The following ZFYVE28 variants were observed in gnomAD, a reference collection of about 807,000 sequenced individuals.
The protein encoded by ZFYVE28 is zinc finger FYVE-type containing 28.
In ZFYVE28, 40 loss-of-function variants were observed where a neutral mutation model predicts 82.1. The observed-to-expected ratio is 0.49, with a 90% CI of 0.38 to 0.63. The LOEUF is 0.63. ZFYVE28 is among the 30% of genes least tolerant of loss of function. ZFYVE28 has a pLI of 0.00. For synonymous variants in ZFYVE28, 612 were observed against 546.1 expected, an observed-to-expected ratio of 1.12 and a Z score of -1.68; for missense variants, 1,321 against 1,242.1, an observed-to-expected ratio of 1.06 and a Z score of -0.96.
Position 2,269,900 on chromosome 4 carries a change from T to A in ZFYVE28, c.*825A>T, listed in dbSNP as rs1449159434. On this transcript the variant is annotated 3_prime_UTR_variant, in exon 13 of 13. Transcript: ENST00000290974. ...GCTTGGGTCCCAGGCCACTCTGGGG[T>A]CTGAGGAATTGGGCCAGGGTTCCAG... 1 of 151,840 alleles carries A rather than the reference T, an allele frequency of 6.6e-6. No homozygotes were observed. Among genetic ancestry groups the A allele is most frequent in the Non-Finnish European group, 1.5e-5 (1 of 67,976 alleles). The allele number at this position is 151,840 out of a possible 1,614,324, so 9.4% of individuals were successfully genotyped here.
At chr4:2,403,170 G>A (rs1452559915) in intron 1 of ZFYVE28, among the ~76,000 whole-genome samples, 2 of 152,342 alleles carry the variant, frequency 1.3e-5, no homozygotes, top group Non-Finnish European at 2.9e-5. Flanking sequence ...TCAGCTACCA[G>A]GGCTGCCCTG....
intron 2 of ZFYVE28, among the ~76,000 whole-genome samples, 171 bp downstream of exon 2, chr4:2,353,762 A>C (rs1724820274): frequency 6.6e-6 from 1 of 151,624 alleles, no homozygotes; most frequent in Admixed American, 6.6e-5. Flanking sequence ...TACCCACCCC[A>C]CGCATCCTGC....
Position 2,354,004 on chromosome 4 carries a change from G to C in ZFYVE28, c.109C>G (p.Leu37Val), listed in dbSNP as rs1194148292. 1 of 1,587,378 alleles carries C rather than the reference G, an allele frequency of 6.3e-7. No homozygotes were observed. The highest frequency in any genetic ancestry group is 8.6e-7 in the Non-Finnish European group (1 of 1,167,232). Residue 37 changes from leucine to valine, a missense_variant, in exon 2 of 13, where the codon CTG becomes GTG. By Grantham distance (32) the Leu-to-Val change is conservative. Around this residue, in one of 2 missense-constraint regions of ZFYVE28, gnomAD observed 343 missense variants for 408.4 expected, o/e 0.84. Coordinates refer to ENST00000290974, the MANE Select transcript of ZFYVE28 (RefSeq NM_020972.3). ...DEELNQVAAELDSLDGRKDPQ... is the reference protein window; with the variant it reads ...DEELNQVAAEVDSLDGRKDPQ... ...TCCTTCCGCCCATCCAGGCTGTCCAGCTCCGCGGCCACCTGGTTCAGCTCC... is the reference window on the plus strand; with the variant it reads ...TCCTTCCGCCCATCCAGGCTGTCCACCTCCGCGGCCACCTGGTTCAGCTCC...
At chr4:2,279,012 C>G (rs1711551741) in intron 8 of ZFYVE28, among the ~76,000 whole-genome samples, 1 of 151,646 alleles carries the variant, frequency 6.6e-6, no homozygotes. Context: ...TGGAATCCTC[C>G]TCTCTTCCTT....
intron 2 of ZFYVE28, among the ~76,000 whole-genome samples, chr4:2,350,056 C>G (rs1447859952): frequency 6.6e-6 from 1 of 152,012 alleles, no homozygotes; most frequent in African/African-American, 2.4e-5. Flanking sequence ...CACACACACA[C>G]ACACACACAC....
chr4:2,320,410 T>A lies in ZFYVE28; in HGVS notation c.702-139A>T, dbSNP rs1369181344. 14 of 640,646 alleles carry A rather than the reference T, an allele frequency of 2.2e-5. No homozygotes were observed. The Admixed American group carries it at 3.2e-4, about 15-fold the overall frequency. The allele number at this position is 640,646 out of a possible 1,614,324, so 39.7% of individuals were successfully genotyped here. ...CTGTCCCAGCACGGCCGCCGCCTCA[T>A]GCTTTGCCTTGTGTGATTGCATTGT... On this transcript the variant is annotated intron_variant, in intron 6 of 12. Transcript: ENST00000290974. The surrounding 1 kb of genome is among the most constrained non-coding windows in gnomAD (Gnocchi z 5.1).
chr4:2,412,914 C>A (rs866220811), intron 1 of ZFYVE28, among the ~76,000 whole-genome samples: 1 of 152,184 alleles, frequency 6.6e-6, no homozygotes, highest in Middle Eastern at 3.2e-3. Flanking sequence ...TTCCCTCCCC[C>A]GTCTGCCCTG....
At chr4:2,334,739 C>G (rs1433423026) in intron 6 of ZFYVE28, among the ~76,000 whole-genome samples, 1 of 74,662 alleles carries the variant, frequency 1.3e-5, no homozygotes, top group African/African-American at 4.7e-5. Context: ...CCACTGGACC[C>G]TCCCCCTTCC....
chr4:2,318,379 G>A (rs1184676066), intron 7 of ZFYVE28, among the ~76,000 whole-genome samples: 1 of 152,174 alleles, frequency 6.6e-6, no homozygotes, highest in African/African-American at 2.4e-5. Flanking sequence ...CCAGCATGGT[G>A]AAACCCCGTC....
intron 7 of ZFYVE28, among the ~76,000 whole-genome samples, chr4:2,318,364 C>T (rs779008941): frequency 5.9e-5 from 9 of 152,194 alleles, no homozygotes; most frequent in Non-Finnish European, 1.0e-4. Flanking sequence ...TCAAGACCAG[C>T]CTGACCAGCA....
At chr4:2,334,628 C>G (rs961100741) in intron 6 of ZFYVE28, among the ~76,000 whole-genome samples, 30 of 151,764 alleles carry the variant, frequency 2.0e-4, no homozygotes, top group African/African-American at 6.8e-4. Context: ...GCCCACCCCC[C>G]ACTCCCCGAC....
chr4:2,386,641 C>A (rs1340873115), intron 1 of ZFYVE28, among the ~76,000 whole-genome samples: 1 of 152,214 alleles, frequency 6.6e-6, no homozygotes, highest in Non-Finnish European at 1.5e-5. Context: ...ACGTGATGCC[C>A]TGGGACGCCT....
intron 8 of ZFYVE28, among the ~76,000 whole-genome samples, chr4:2,279,042 C>G (rs1384677430): frequency 6.6e-6 from 1 of 151,296 alleles, no homozygotes; most frequent in Non-Finnish European, 1.5e-5. Flanking sequence ...TAAAATGGCA[C>G]AGACACTTTG....
chr4:2,319,283 C>A (rs532254956), intron 7 of ZFYVE28, among the ~76,000 whole-genome samples: 2 of 152,134 alleles, frequency 1.3e-5, no homozygotes, highest in Non-Finnish European at 2.9e-5. Context: ...AGGAAAGCAG[C>A]GACAGCCATC....
chr4:2,322,556 T>C (rs1245444861), intron 6 of ZFYVE28, among the ~76,000 whole-genome samples: 2 of 150,322 alleles, frequency 1.3e-5, no homozygotes, highest in African/African-American at 2.5e-5. Context: ...TGGAGAAAGC[T>C]GGGCCCTGCT....
intron 7 of ZFYVE28, among the ~76,000 whole-genome samples, chr4:2,310,309 G>A (rs28395446): frequency 0.45 from 67,872 of 152,032 alleles, 16,095 homozygotes; most frequent in Middle Eastern, 0.55. Flanking sequence ...AAAGTCCTGG[G>A]ATTACAAGTG....
chr4:2,400,146 CG>C (rs1488641399), intron 1 of ZFYVE28, among the ~76,000 whole-genome samples: 1 of 152,222 alleles, frequency 6.6e-6, no homozygotes, highest in Non-Finnish European at 1.5e-5. Flanking sequence ...CAATCTGCCT[CG>C]GGGAGCCACA....
intron 1 of ZFYVE28, among the ~76,000 whole-genome samples, chr4:2,365,298 C>G (rs1726745851): frequency 6.6e-6 from 1 of 151,998 alleles, no homozygotes; most frequent in African/African-American, 2.4e-5. Flanking sequence ...TGAGGAGGGG[C>G]CGCGCGGCGC....
intron 8 of ZFYVE28, among the ~76,000 whole-genome samples, chr4:2,302,551 G>A (rs571221079): frequency 3.9e-5 from 6 of 152,252 alleles, no homozygotes; most frequent in Non-Finnish European, 5.9e-5. Context: ...CTGCAGCCAC[G>A]TTAGAAAGTA....
Sources: gnomAD v4.1 joint callset for allele counts (sites outside exome capture counted in the v4.1 genomes callset) on GRCh38, gnomAD v4.1.1 for gene constraint, gnomAD v4.1.1 regional missense constraint, Gnocchi (gnomAD v3.1) non-coding constraint, MANE v1.5 for transcripts, NCBI Gene and HGNC (gene_info 2026-07-23, HGNC 2026-07-21) for gene names.